The following MARCKS variants were observed in gnomAD, a reference collection of about 807,000 sequenced individuals.
The protein encoded by MARCKS is myristoylated alanine rich protein kinase C substrate, also known as myristoylated alanine-rich C-kinase substrate.
A neutral mutation model predicts 6.3 loss-of-function variants in MARCKS; 4 were observed. That is an observed-to-expected ratio of 0.63 (90% confidence interval 0.31 to 1.45). The LOEUF (loss-of-function observed/expected upper bound fraction) is 1.45, where lower values mean the gene tolerates loss of function less well. Ranked by LOEUF, MARCKS falls within the 40% of genes most tolerant of loss-of-function variation. The probability of loss-of-function intolerance (pLI) is 0.07; values close to 1 mark genes in which losing one functional copy is unlikely to be tolerated. For synonymous variants in MARCKS, 289 were observed against 236.5 expected (o/e 1.22, Z -2.04); for missense variants, 636 against 485.7 (o/e 1.31, Z -2.91).
chr6:113,860,944 G>C lies in MARCKS; in HGVS notation c.*365G>C, dbSNP rs554134745. The C allele has an allele frequency of 6.5e-6, 1 of 153,476 alleles. No homozygotes were observed. The highest frequency in any genetic ancestry group is 2.4e-5 in the African/African-American group (1 of 41,290). 9.5% of individuals were successfully genotyped at this position (153,476 alleles called of 1,614,324 possible). On this transcript the variant is annotated 3_prime_UTR_variant, in exon 2 of 2. Transcript: ENST00000612661. ...ACTTTCTTTGTCAATCTATGGACAT[G>C]CCCATATATGAAGGAGATGGGTGGG...
At chr6:113,859,635 C>T in intron 1 of MARCKS, 48 bp from the exon 2 acceptor site, 5 of 1,421,530 alleles carry the variant, frequency 3.5e-6, no homozygotes, top group South Asian at 1.4e-5. Flanking sequence ...GCGGGAATGG[C>T]GGCGCCCCGG....
Position 113,857,771 on chromosome 6 carries a change from C to T in MARCKS, c.26C>T (p.Ala9Val). 1 of 1,608,956 alleles carries T rather than the reference C, an allele frequency of 6.2e-7. No individual in the cohort carries two copies. Among genetic ancestry groups the T allele is most frequent in the South Asian group, 1.1e-5 (1 of 90,102 alleles). Residue 9 changes from alanine (A) to valine (V), a missense_variant, in exon 1 of 2, where the codon GCA becomes GTA. Physicochemically the swap from Ala to Val is moderately conservative, Grantham distance 64. Transcript: ENST00000612661. MGAQFSKT[A>V]AKGEAAAERP... ...ATGGGTGCCCAGTTCTCCAAGACCG[C>T]AGCGAAGGGAGAAGCCGCCGCGGAG...
chr6:113,860,491 C>A lies in MARCKS; in HGVS notation c.911C>A (p.Ala304Asp). 6.6e-7 allele frequency: 1 copy of A among 1,508,484 alleles called. No individual in the cohort carries two copies. Among genetic ancestry groups the A allele is most frequent in the South Asian group, 1.2e-5 (1 of 80,364 alleles). The allele number at this position is 1,508,484 out of a possible 1,614,324, so 93.4% of individuals were successfully genotyped here. ...GCCCCCGCGGAGGAGCCCGCGGCCG[C>A]CGCAGCCTCGTCAGCCTGCGCAGCC... Reference protein sequence around the residue: ...EAAPAEEPAAAAASSACAAPS... With the variant: ...EAAPAEEPAADAASSACAAPS... Residue 304 changes from alanine to aspartate, a missense_variant, in exon 2 of 2, where the codon GCC becomes GAC. Ala to Asp is a moderately radical substitution (Grantham distance 126). Transcript: ENST00000612661.
Position 113,857,498 on chromosome 6 carries a change from C to T in MARCKS, c.-248C>T. ...CTCCTTTTTTTGTGCTCGACTTTTC[C>T]ACCCTTTTTCCCTCCCTCCTGTGCT... On this transcript the variant is annotated 5_prime_UTR_variant, in exon 1 of 2. Transcript: ENST00000612661. 2.2e-6 allele frequency: 1 copy of T among 460,392 alleles called. No individual in the cohort carries two copies. Among genetic ancestry groups the T allele is most frequent in the Non-Finnish European group, 3.8e-6 (1 of 260,676 alleles). The allele number at this position is 460,392 out of a possible 1,614,324, so 28.5% of individuals were successfully genotyped here. A position where few individuals can be genotyped will look rare whatever the true frequency, so the allele number is the denominator to read the frequency against.
intron 1 of MARCKS, 23 bp from the exon 2 acceptor site, chr6:113,859,660 C>G (rs1774846383): frequency 6.8e-7 from 1 of 1,469,128 alleles, no homozygotes; most frequent in Non-Finnish European, 9.0e-7. Context: ...TTCAGTGACG[C>G]TCCCGCTTTC....
Position 113,860,186 on chromosome 6 carries a change from G to A in MARCKS, c.606G>A (p.Ala202=). Residue 202 remains alanine, a synonymous_variant, in exon 2 of 2, where the codon GCG becomes GCA. Transcript: ENST00000612661. ...GKDEAAGGAA[A]AAAEAGAASG... ...ACGAGGCCGCCGGGGGCGCAGCTGCGGCCGCCGCCGAGGCGGGCGCGGCCT... is the reference window on the plus strand; with the variant it reads ...ACGAGGCCGCCGGGGGCGCAGCTGCAGCCGCCGCCGAGGCGGGCGCGGCCT... 1 of 1,197,806 alleles carries A rather than the reference G, an allele frequency of 8.3e-7. No homozygotes were observed. Among genetic ancestry groups the A allele is most frequent in the Non-Finnish European group, 1.0e-6 (1 of 959,080 alleles). The allele number at this position is 1,197,806 out of a possible 1,614,324, so 74.2% of individuals were successfully genotyped here. A position where few individuals can be genotyped will look rare whatever the true frequency, so the allele number is the denominator to read the frequency against.
In MARCKS at chr6:113,860,101, A is replaced by C; in HGVS notation, c.521A>C (p.Asn174Thr). The change falls in exon 2 of 2, where the codon AAC becomes ACC. Residue 174 changes from asparagine to threonine, a missense_variant. Coordinates refer to ENST00000612661, the MANE Select transcript of MARCKS (RefSeq NM_002356.7). ...FKLSGFSFKK[N>T]KKEAGEGGEA... Reference sequence around the variant, plus strand: ...CTGAGCGGCTTCTCCTTCAAGAAGAACAAGAAGGAGGCTGGAGAAGGCGGT... The same window carrying C: ...CTGAGCGGCTTCTCCTTCAAGAAGACCAAGAAGGAGGCTGGAGAAGGCGGT... The C allele has an allele frequency of 6.4e-7, 1 of 1,561,748 alleles. No homozygotes were observed. The highest frequency in any genetic ancestry group is 1.8e-5 in the Admixed American group (1 of 55,380).
chr6:113,860,027 G>A lies in MARCKS; in HGVS notation c.447G>A (p.Glu149=), dbSNP rs1384316976. Residue 149 remains glutamate (E), a synonymous_variant, in exon 2 of 2, where the codon GAG becomes GAA. Coordinates refer to ENST00000612661, the MANE Select transcript of MARCKS (RefSeq NM_002356.7). ...GGGCCACGCCCTCGCCCAGCAACGAGACCCCGAAAAAAAAAAAGAAGCGCT... is the reference window on the plus strand; with the variant it reads ...GGGCCACGCCCTCGCCCAGCAACGAAACCCCGAAAAAAAAAAAGAAGCGCT... ...EDGATPSPSN[E]TPKKKKKRFS... The A allele has an allele frequency of 6.4e-7, 1 of 1,568,546 alleles. No homozygotes were observed. The highest frequency in any genetic ancestry group is 2.4e-5 in the East Asian group (1 of 41,828).
rs1042358830 is a variant in MARCKS at position 113,857,521 on chromosome 6, G to C, written c.-225G>C. ...TCCACCCTTTTTCCCTCCCTCCTGT[G>C]CTGCTGCTTTTTGATCTCTTCGACT... On this transcript the variant is annotated 5_prime_UTR_variant, in exon 1 of 2. Transcript: ENST00000612661. 1 of 533,374 alleles carries C rather than the reference G, an allele frequency of 1.9e-6. No individual in the cohort carries two copies. The allele number at this position is 533,374 out of a possible 1,614,324, so 33.0% of individuals were successfully genotyped here.
chr6:113,860,757 T>C lies in MARCKS; in HGVS notation c.*178T>C, dbSNP rs537535746. ...TTTGTTGTTTTTTTTTTTTCTCCCC[T>C]CCCCACAGATCCCATCTCAAATCAT... On this transcript the variant is annotated 3_prime_UTR_variant, in exon 2 of 2. Transcript: ENST00000612661. 6.8e-4 allele frequency: 253 copies of C among 369,812 alleles called. 1 individual carries two copies. Among genetic ancestry groups the C allele is most frequent in the South Asian group, 5.2e-3 (94 of 18,002 alleles). The allele number at this position is 369,812 out of a possible 1,614,324, so 22.9% of individuals were successfully genotyped here.
At position 113,860,005 on chromosome 6, in the gene MARCKS, C is replaced by T. The variant is rs1430150936; in HGVS notation, c.425C>T (p.Ala142Val). 2.6e-6 allele frequency: 4 copies of T among 1,565,678 alleles called. No individual in the cohort carries two copies. Among genetic ancestry groups the T allele is most frequent in the South Asian group, 1.1e-5 (1 of 88,716 alleles). The part of the protein sequence containing the change: ...STSSPKAEDG[A>V]TPSPSNETPK... ...TCTTCGCCCAAGGCCGAGGACGGGG[C>T]CACGCCCTCGCCCAGCAACGAGACC... The change falls in exon 2 of 2, where the codon GCC becomes GTC. Residue 142 changes from alanine (A) to valine (V), a missense_variant. Coordinates refer to ENST00000612661, the MANE Select transcript of MARCKS (RefSeq NM_002356.7).
rs1774905400 is a variant in MARCKS, at chr6:113,861,872, G to A, written c.*1293G>A. The A allele has an allele frequency of 6.6e-6, 1 of 152,550 alleles. No individual in the cohort carries two copies. The highest frequency in any genetic ancestry group is 1.5e-5 in the Non-Finnish European group (1 of 67,980). 9.4% of individuals were successfully genotyped at this position (152,550 alleles called of 1,614,324 possible). On this transcript the variant is annotated 3_prime_UTR_variant, in exon 2 of 2. Transcript: ENST00000612661. ...TAGGTCTTAGGTTAATTTTTAGGAA[G>A]ATCTTGCATGCCATCAGGAGTAAAT...
rs953486712 is a variant in MARCKS at position 113,860,273 on chromosome 6, T to G, written c.693T>G (p.Gly231=). ...CAGCGGGCGAGGAGGGGGCGGCGGG[T>G]GGCGACCCGCAGGAGGCCAAGCCCC... ...EAAAGEEGAA[G]GDPQEAKPQE... is the part of the protein sequence containing the mutation. The change falls in exon 2 of 2, where the codon GGT becomes GGG. Residue 231 remains glycine, a synonymous_variant. Coordinates refer to ENST00000612661, the MANE Select transcript of MARCKS (RefSeq NM_002356.7). The G allele has an allele frequency of 8.4e-7, 1 of 1,189,256 alleles. No individual in the cohort carries two copies. The allele number at this position is 1,189,256 out of a possible 1,614,324, so 73.7% of individuals were successfully genotyped here.
chr6:113,859,830 GC>G lies in MARCKS; in HGVS notation c.251del (p.Ala84GlyfsTer20). 1 of 1,292,296 alleles carries G rather than the reference GC, an allele frequency of 7.7e-7. No individual in the cohort carries two copies. The allele number at this position is 1,292,296 out of a possible 1,614,324, so 80.1% of individuals were successfully genotyped here. On this transcript the variant is annotated frameshift_variant, in exon 2 of 2. Coordinates refer to ENST00000612661, the MANE Select transcript of MARCKS (RefSeq NM_002356.7). LOFTEE classifies it low-confidence loss of function (END_TRUNC). ...CGGGAGCGGGGCGGCGTCGCCCTCC[GC>G]GGCCGAGAAAGGTGAGCCGGCCGCC... is the stretch of plus-strand genomic sequence containing the variant. ...AAGSGAASPS[A>X]AEKGEPAAAA...
At position 113,857,654 on chromosome 6, in the gene MARCKS, C is replaced by G. The variant is rs1279444313; in HGVS notation, c.-92C>G. 3 of 511,248 alleles carry G rather than the reference C, an allele frequency of 5.9e-6. No individual in the cohort carries two copies. The highest frequency in any genetic ancestry group is 9.2e-6 in the Non-Finnish European group (3 of 324,520). The allele number at this position is 511,248 out of a possible 1,614,324, so 31.7% of individuals were successfully genotyped here. ...GCCGCTGCCGCTGTTGCCGCCGCCG[C>G]TGCTGCTGCTGCTCGCCCCGTCGTT... On this transcript the variant is annotated 5_prime_UTR_variant, in exon 1 of 2. Transcript: ENST00000612661.
rs1774850567 is a variant in MARCKS, at chr6:113,859,751, G to A, written c.171G>A (p.Glu57=). The A allele has an allele frequency of 1.3e-6, 2 of 1,492,872 alleles. No homozygotes were observed. The highest frequency in any genetic ancestry group is 1.8e-6 in the Non-Finnish European group (2 of 1,122,154). The allele number at this position is 1,492,872 out of a possible 1,614,324, so 92.5% of individuals were successfully genotyped here. ...CCGCCGAGTCGGGCGCCAAGGAGGAGCTGCAGGCCAACGGCAGCGCCCCGG... is the reference window on the plus strand; with the variant it reads ...CCGCCGAGTCGGGCGCCAAGGAGGAACTGCAGGCCAACGGCAGCGCCCCGG... ...PAAAESGAKE[E]LQANGSAPAA... The change falls in exon 2 of 2, where the codon GAG becomes GAA. Residue 57 remains glutamate (E), a synonymous_variant. Coordinates refer to ENST00000612661, the MANE Select transcript of MARCKS (RefSeq NM_002356.7).
chr6:113,860,228 G>T lies in MARCKS; in HGVS notation c.648G>T (p.Ala216=). Residue 216 remains alanine (A), a synonymous_variant, in exon 2 of 2, where the codon GCG becomes GCT. Transcript: ENST00000612661. ...GCGCGGCCTCCGGGGAGCAGGCAGC[G>T]GCGCCGGGCGAGGAGGCGGCAGCGG... ...EAGAASGEQA[A]APGEEAAAGE... The T allele has an allele frequency of 9.3e-7, 1 of 1,074,596 alleles. No homozygotes were observed. The highest frequency in any genetic ancestry group is 3.9e-5 in the South Asian group (1 of 25,942). The allele number at this position is 1,074,596 out of a possible 1,614,324, so 66.6% of individuals were successfully genotyped here. A position where few individuals can be genotyped will look rare whatever the true frequency, so the allele number is the denominator to read the frequency against.
rs1774857081 is a variant in MARCKS at position 113,859,867 on chromosome 6, C to A, written c.287C>A (p.Pro96His). Residue 96 changes from proline to histidine, a missense_variant, in exon 2 of 2, where the codon CCC (proline) becomes CAC (histidine). Pro to His is a moderately conservative substitution (Grantham distance 77, BLOSUM62 -2). Transcript: ENST00000612661. ...EKGEPAAAAA[P>H]EAGASPVEKE... is the part of the protein sequence containing the mutation. ...GGTGAGCCGGCCGCCGCCGCTGCCC[C>A]CGAGGCCGGGGCCAGCCCGGTAGAG... The A allele has an allele frequency of 5.9e-6, 8 of 1,347,408 alleles. No homozygotes were observed. The highest frequency in any genetic ancestry group is 5.7e-6 in the Non-Finnish European group (6 of 1,050,948). 83.5% of individuals were successfully genotyped at this position (1,347,408 alleles called of 1,614,324 possible).
rs1774891593 is a variant in MARCKS at position 113,860,889 on chromosome 6, C to G, written c.*310C>G. 9 of 167,196 alleles carry G rather than the reference C, an allele frequency of 5.4e-5. No homozygotes were observed. The allele number at this position is 167,196 out of a possible 1,614,324, so 10.4% of individuals were successfully genotyped here. ...TTTCGCATCAGTATTAATGTTTTTG[C>G]ATACTTTGCATCTTTATTCAAAAGT... is the stretch of plus-strand genomic sequence containing the variant. On this transcript the variant is annotated 3_prime_UTR_variant, in exon 2 of 2. Coordinates refer to ENST00000612661, the MANE Select transcript of MARCKS (RefSeq NM_002356.7).
Sources: gnomAD v4.1 joint callset for allele counts on GRCh38, gnomAD v4.1.1 for gene constraint, MANE v1.5 for transcripts, NCBI Gene and HGNC (gene_info 2026-07-23, HGNC 2026-07-21) for gene names.